Variants in ADAM12 observed in about 807,000 individuals in gnomAD.
The protein encoded by ADAM12 is disintegrin and metalloproteinase domain-containing protein 12.
In ADAM12, 70 loss-of-function variants were observed where a neutral mutation model predicts 106.4. The observed-to-expected ratio is 0.66, with a 90% CI of 0.54 to 0.80. The LOEUF is 0.80. ADAM12 is among the 30% of genes least tolerant of loss of function. ADAM12 has a pLI of 0.00. For missense variants in ADAM12, 1,010 were observed against 1,171.9 expected (o/e 0.86, Z 2.02); for synonymous variants, 420 against 433.5 (o/e 0.97, Z 0.39).
At chr10:126,172,611 T>C (rs550149526) in intron 3 of ADAM12, among the ~76,000 whole-genome samples, 2 of 152,306 alleles carry the variant, frequency 1.3e-5, no homozygotes, top group African/African-American at 4.8e-5. Flanking sequence ...AAACAACAGA[T>C]GCTGGAGAGG....
chr10:126,048,873 T>A (rs1224879186), intron 16 of ADAM12, among the ~76,000 whole-genome samples: 1 of 152,186 alleles, frequency 6.6e-6, no homozygotes, highest in African/African-American at 2.4e-5. Context: ...TAAAAATACA[T>A]CTGATTTCCC....
intron 3 of ADAM12, among the ~76,000 whole-genome samples, chr10:126,195,107 G>T (rs979255085): frequency 6.6e-6 from 1 of 152,144 alleles, no homozygotes; most frequent in Non-Finnish European, 1.5e-5. Flanking sequence ...TGGAGGGCTT[G>T]GGGGTGGAGA....
At chr10:126,055,994 G>C (rs1034653466) in intron 14 of ADAM12, among the ~76,000 whole-genome samples, 7 of 152,134 alleles carry the variant, frequency 4.6e-5, no homozygotes, top group Non-Finnish European at 8.8e-5. Context: ...TGAAAAATTC[G>C]GAGTAGAATG....
intron 3 of ADAM12, among the ~76,000 whole-genome samples, chr10:126,254,788 G>A (rs1341006705): frequency 6.6e-6 from 1 of 152,168 alleles, no homozygotes; most frequent in Non-Finnish European, 1.5e-5. Context: ...TTTTGCAGGG[G>A]TTTCTTCACC....
At chr10:126,210,512 G>T (rs1251967183) in intron 3 of ADAM12, among the ~76,000 whole-genome samples, 1 of 152,204 alleles carries the variant, frequency 6.6e-6, no homozygotes, top group Admixed American at 6.5e-5. Flanking sequence ...AGTGGGGTAG[G>T]GGCAGGGCCA....
chr10:126,101,555 A>C (rs147733829), intron 8 of ADAM12, among the ~76,000 whole-genome samples: 4 of 152,242 alleles, frequency 2.6e-5, no homozygotes, highest in Admixed American at 2.6e-4. Context: ...GTACATACAG[A>C]TGTGTATTAT....
intron 5 of ADAM12, among the ~76,000 whole-genome samples, chr10:126,124,216 GA>G (rs1956161343): frequency 2.0e-5 from 3 of 151,788 alleles, no homozygotes; most frequent in Non-Finnish European, 4.4e-5. Context: ...GAATTTCCTA[GA>G]AAAAGACTTT....
intron 3 of ADAM12, among the ~76,000 whole-genome samples, chr10:126,199,674 A>T (rs958444691): frequency 1.3e-5 from 2 of 152,206 alleles, no homozygotes; most frequent in African/African-American, 4.8e-5. Flanking sequence ...TATTTTACTA[A>T]ATCAGAGAAA....
intron 3 of ADAM12, among the ~76,000 whole-genome samples, chr10:126,229,814 G>A (rs1207556440): frequency 1.3e-5 from 2 of 152,108 alleles, no homozygotes; most frequent in African/African-American, 2.4e-5. Context: ...CCGTATTCCA[G>A]TAAATGCTCG....
Position 126,170,427 on chromosome 10 carries a change from T to TAA in ADAM12, c.261-15124_261-15123dup, listed in dbSNP as rs1181229407. 7.9e-3 allele frequency among the ~76,000 whole-genome samples: 1,098 copies of TAA among 139,744 alleles called. 18 individuals are homozygous for TAA. The highest frequency in any genetic ancestry group is 0.027 in the African/African-American group (1,039 of 39,010). 91.7% of individuals were successfully genotyped at this position (139,744 alleles called of 152,430 possible). ...TTTTGAAATGGATGTGTTTTTCCTT[T>TAA]AAAAAAAAAAAGAGGGCGGGGGGGG... On this transcript the variant is annotated intron_variant, in intron 3 of 22. Coordinates refer to ENST00000448723, the MANE Select transcript of ADAM12 (RefSeq NM_001288973.2).
intron 1 of ADAM12, among the ~76,000 whole-genome samples, chr10:126,376,109 G>A (rs1441398390): frequency 1.3e-5 from 2 of 151,450 alleles, no homozygotes; most frequent in Non-Finnish European, 2.9e-5. Flanking sequence ...AATAAAGGAA[G>A]TAGAATGAAT....
intron 3 of ADAM12, among the ~76,000 whole-genome samples, chr10:126,242,287 C>T (rs1477470886): frequency 6.6e-6 from 1 of 152,180 alleles, no homozygotes; most frequent in Non-Finnish European, 1.5e-5. Flanking sequence ...ACCCCCTTGA[C>T]ATTTTAAGGA....
chr10:126,305,241 A>G (rs532368507), intron 2 of ADAM12, among the ~76,000 whole-genome samples: 2 of 152,226 alleles, frequency 1.3e-5, no homozygotes, highest in East Asian at 3.9e-4. Context: ...GGAATGTATG[A>G]GCAAACTGCA....
chr10:126,071,462 G>T lies in ADAM12; in HGVS notation c.1323+15C>A, dbSNP rs764440482. 6.2e-7 allele frequency: 1 copy of T among 1,612,208 alleles called. No individual in the cohort carries two copies. The highest frequency in any genetic ancestry group is 1.7e-5 in the Admixed American group (1 of 59,910). On this transcript the variant is annotated intron_variant, in intron 12 of 22. Coordinates refer to ENST00000448723, the MANE Select transcript of ADAM12 (RefSeq NM_001288973.2). The stretch of plus-strand genomic sequence containing the variant: ...ACAAGTCTTCTTGTATCCTTGTTCT[G>T]GGAATGGTTCTTACCTCTGGCTCCC...
chr10:126,155,804 G>C (rs1590517823), intron 3 of ADAM12, among the ~76,000 whole-genome samples: 2 of 152,238 alleles, frequency 1.3e-5, no homozygotes, highest in Non-Finnish European at 2.9e-5. Flanking sequence ...AGAACCGGCT[G>C]AAAATATTGA....
At chr10:126,180,175 A>G (rs10901553) in intron 3 of ADAM12, among the ~76,000 whole-genome samples, 47,220 of 152,076 alleles carry the variant, frequency 0.31, 10,634 homozygotes, top group African/African-American at 0.63. Flanking sequence ...GGTACTATTA[A>G]TATCCAAATT....
intron 7 of ADAM12, 49 bp from the exon 8 acceptor site, chr10:126,108,713 C>A (rs111465427): frequency 6.6e-7 from 1 of 1,504,374 alleles, no homozygotes; most frequent in African/African-American, 1.4e-5. Flanking sequence ...ATATCAATCA[C>A]GTTTCATCTT....
chr10:126,259,603 G>C (rs182986817), intron 3 of ADAM12, among the ~76,000 whole-genome samples: 1 of 152,232 alleles, frequency 6.6e-6, no homozygotes, highest in Non-Finnish European at 1.5e-5. Context: ...TACTTAGGTG[G>C]GAATTTGATG....
intron 14 of ADAM12, among the ~76,000 whole-genome samples, chr10:126,051,831 A>G (rs976509778): frequency 6.6e-6 from 1 of 152,178 alleles, no homozygotes; most frequent in African/African-American, 2.4e-5. Context: ...AAAAGACCCA[A>G]ATGATTATGT....
Sources: gnomAD v4.1 joint callset for allele counts (sites outside exome capture counted in the v4.1 genomes callset) on GRCh38, gnomAD v4.1.1 for gene constraint, MANE v1.5 for transcripts, NCBI Gene and HGNC (gene_info 2026-07-23, HGNC 2026-07-21) for gene names.